Variants in PLEKHA1 observed in about 807,000 individuals in gnomAD.
PLEKHA1 encodes pleckstrin homology domain containing A1, also known as pleckstrin homology domain-containing family A member 1.
Under a neutral mutation model 52.0 loss-of-function variants are expected in PLEKHA1, and 34 were observed. The ratio of observed to expected loss-of-function variants is 0.65; its 90% CI spans 0.50 to 0.87. The LOEUF (loss-of-function observed/expected upper bound fraction) is 0.87. Among genes scored for constraint, PLEKHA1 ranks in the 40% least tolerant of loss-of-function variants. The probability of loss-of-function intolerance (pLI) is 0.00; values close to 1 mark genes in which losing one functional copy is unlikely to be tolerated. For synonymous variants in PLEKHA1, 163 were observed against 170.7 expected, an observed-to-expected ratio of 0.95 and a Z score of 0.35; for missense variants, 497 against 504.2, an observed-to-expected ratio of 0.99 and a Z score of 0.14.
intron 1 of PLEKHA1, among the ~76,000 whole-genome samples, chr10:122,389,618 G>A (rs1314101897): frequency 6.6e-6 from 1 of 152,140 alleles, no homozygotes; most frequent in Admixed American, 6.5e-5. Context: ...GCTGAGGCAG[G>A]AGAATTGCTT....
At chr10:122,418,158 G>GT in intron 8 of PLEKHA1, 190 bp downstream of exon 8, 1 of 466,048 alleles carries the variant, frequency 2.1e-6, no homozygotes, top group African/African-American at 2.0e-5. Context: ...TAAGTAAAAA[G>GT]ATCCTATCTT....
Position 122,424,930 on chromosome 10 carries a change from G to T in PLEKHA1, c.781G>T (p.Val261Leu). 1 of 1,609,938 alleles carries T rather than the reference G, an allele frequency of 6.2e-7. No individual in the cohort carries two copies. Among genetic ancestry groups the T allele is most frequent in the African/African-American group, 1.3e-5 (1 of 74,804 alleles). The change falls in exon 10 of 12, where the codon GTA becomes TTA. Residue 261 changes from valine (V) to leucine (L), a missense_variant. By Grantham distance (32) the Val-to-Leu change is conservative. Coordinates refer to ENST00000368990, the MANE Select transcript of PLEKHA1 (RefSeq NM_001001974.4). ...GATGAGGGACAACCTCTTTGAAATT[G>T]TAACAACGTCTCGAACTTTCTATGT... ...IMMRDNLFEI[V>L]TTSRTFYVQA...
At chr10:122,386,638 G>A (rs1478737474) in intron 1 of PLEKHA1, 1 of 152,132 alleles carries the variant, frequency 6.6e-6, no homozygotes, top group African/African-American at 2.4e-5. Context: ...ATCCATTTGA[G>A]TTAGTTTTTT....
chr10:122,398,038 A>G, intron 3 of PLEKHA1, 64 bp downstream of exon 3: 1 of 1,322,978 alleles, frequency 7.6e-7, no homozygotes, highest in South Asian at 1.3e-5. Flanking sequence ...GAGTATGAAT[A>G]GAAGCAGCAG....
At chr10:122,442,508 C>T in the PLEKHA1 span, 1 of 152,120 alleles carries the variant, frequency 6.6e-6, no homozygotes, top group Non-Finnish European at 1.5e-5. Flanking sequence ...ACGTAAATAG[C>T]TTTATTTTTG....
At chr10:122,406,488 G>T in intron 4 of PLEKHA1, 88 bp from the exon 5 acceptor site, 2 of 1,030,980 alleles carry the variant, frequency 1.9e-6, no homozygotes, top group South Asian at 2.6e-5. Context: ...TCACGGTGTT[G>T]AACTTAGCAA....
chr10:122,395,526 A>G (rs981322465), intron 2 of PLEKHA1, among the ~76,000 whole-genome samples: 1 of 152,014 alleles, frequency 6.6e-6, no homozygotes, highest in Non-Finnish European at 1.5e-5. Flanking sequence ...GTGTTATTGC[A>G]TCTTGACATA....
At chr10:122,395,691 A>C (rs2096840923) in intron 2 of PLEKHA1, among the ~76,000 whole-genome samples, 1 of 152,108 alleles carries the variant, frequency 6.6e-6, no homozygotes, top group Non-Finnish European at 1.5e-5. Context: ...AAAGAAAATT[A>C]GTTTGATTCC....
intron 1 of PLEKHA1, among the ~76,000 whole-genome samples, chr10:122,385,366 G>A (rs1333959159): frequency 7.3e-6 from 1 of 136,350 alleles, no homozygotes; most frequent in Non-Finnish European, 1.5e-5. Flanking sequence ...TGCTCAGGCT[G>A]GAGTGCAGTG....
At chr10:122,441,992 G>A in the PLEKHA1 span, 5 of 152,202 alleles carry the variant, frequency 3.3e-5, no homozygotes, top group African/African-American at 1.2e-4. Context: ...CACAGTTTTT[G>A]TAGAAAAATT....
chr10:122,415,430 G>A (rs2097160155), intron 6 of PLEKHA1, among the ~76,000 whole-genome samples: 2 of 152,214 alleles, frequency 1.3e-5, no homozygotes, highest in African/African-American at 4.8e-5. Flanking sequence ...ACACATAGAT[G>A]AATGTATGTA....
Position 122,429,604 on chromosome 10 carries a change from A to C in PLEKHA1, c.901-20A>C. Reference sequence around the variant, plus strand: ...GGTCATGAGTGACTGACCGTGTCTGACTGCCACTCCTTTTTGCAGGAGCAT... The same window carrying C: ...GGTCATGAGTGACTGACCGTGTCTGCCTGCCACTCCTTTTTGCAGGAGCAT... On this transcript the variant is annotated intron_variant, in intron 11 of 11. Coordinates refer to ENST00000368990, the MANE Select transcript of PLEKHA1 (RefSeq NM_001001974.4). 6 of 1,608,838 alleles carry C rather than the reference A, an allele frequency of 3.7e-6. No homozygotes were observed. The highest frequency in any genetic ancestry group is 5.1e-6 in the Non-Finnish European group (6 of 1,176,874).
At chr10:122,414,687 T>C (rs80156494) in intron 6 of PLEKHA1, among the ~76,000 whole-genome samples, 2,375 of 152,112 alleles carry the variant, frequency 0.016, 35 homozygotes, top group Middle Eastern at 0.027. Context: ...AGTAAGCACA[T>C]GAAAAGATGT....
chr10:122,382,595 T>TG (rs1310632176), intron 1 of PLEKHA1, among the ~76,000 whole-genome samples: 3 of 152,238 alleles, frequency 2.0e-5, no homozygotes, highest in Admixed American at 2.0e-4. Flanking sequence ...TCATTGAAGA[T>TG]GCTTGTGTAA....
chr10:122,442,503 A>T, the PLEKHA1 span: 1 of 152,222 alleles, frequency 6.6e-6, no homozygotes, highest in South Asian at 2.1e-4. Context: ...TGTGTACGTA[A>T]ATAGCTTTAT....
At chr10:122,411,832 A>G (rs1470401325) in intron 5 of PLEKHA1, 1 of 152,206 alleles carries the variant, frequency 6.6e-6, no homozygotes, top group East Asian at 1.9e-4. Flanking sequence ...CAAGCAAACT[A>G]TTTAAGTTAA....
At chr10:122,412,685 A>AG (rs2097124025) in intron 5 of PLEKHA1, 1 of 469,790 alleles carries the variant, frequency 2.1e-6, no homozygotes, top group Admixed American at 3.3e-5. Context: ...AAGGAGAAAA[A>AG]TGTGTGAACT....
intron 4 of PLEKHA1, among the ~76,000 whole-genome samples, chr10:122,402,106 G>C (rs2096937776): frequency 1.3e-5 from 2 of 152,134 alleles, no homozygotes. Flanking sequence ...TTGTATTTTA[G>C]AATGTATAAT....
chr10:122,382,000 G>A lies in PLEKHA1; in HGVS notation c.-21+7194G>A, dbSNP rs537866729. Among the ~76,000 whole-genome samples the A allele has an allele frequency of 4.3e-4, 66 of 152,130 alleles. 1 individual carries two copies. The highest frequency in any genetic ancestry group is 1.4e-3 in the African/African-American group (59 of 41,414). ...CTCACCAAGACACTGAGTATATATAGGAAAGAGATCCACAGACCACCCTCT... is the reference window on the plus strand; with the variant it reads ...CTCACCAAGACACTGAGTATATATAAGAAAGAGATCCACAGACCACCCTCT... On this transcript the variant is annotated intron_variant, in intron 1 of 11. Transcript: ENST00000368990.
Sources: gnomAD v4.1 joint callset for allele counts (sites outside exome capture counted in the v4.1 genomes callset) on GRCh38, gnomAD v4.1.1 for gene constraint, MANE v1.5 for transcripts, NCBI Gene and HGNC (gene_info 2026-07-23, HGNC 2026-07-21) for gene names.